Variants in SULT6B1 observed in about 807,000 individuals in gnomAD.
SULT6B1 encodes the protein sulfotransferase 6B1.
In SULT6B1, 44 loss-of-function variants were observed where a neutral mutation model predicts 37.2. That is an observed-to-expected ratio of 1.18 (90% CI 0.93 to 1.52). The LOEUF (loss-of-function observed/expected upper bound fraction) is 1.52. Ranked by LOEUF, SULT6B1 falls within the 40% of genes most tolerant of loss-of-function variation. SULT6B1 has a pLI of 0.00. For missense variants in SULT6B1, 450 were observed against 361.0 expected (o/e 1.25, Z -2.00); for synonymous variants, 140 against 126.0 (o/e 1.11, Z -0.74).
At chr2:37,188,889 C>A (rs888105140), upstream of SULT6B1, among the ~76,000 whole-genome samples, 2 of 152,002 alleles carry the variant, frequency 1.3e-5, no homozygotes, top group Non-Finnish European at 2.9e-5. Context: ...CGGCAACCTG[C>A]CCAATGAAAG....
intron 4 of SULT6B1, 89 bp downstream of exon 4, chr2:37,179,366 ATCT>A: frequency 6.5e-7 from 1 of 1,538,048 alleles, no homozygotes; most frequent in Non-Finnish European, 8.8e-7. Context: ...ATCTACCTAA[ATCT>A]TCTTCCTTTA....
At chr2:37,179,433 A>G in intron 4 of SULT6B1, 25 bp downstream of exon 4, 1 of 1,612,352 alleles carries the variant, frequency 6.2e-7, no homozygotes, top group South Asian at 1.1e-5. Flanking sequence ...TCAAGTAAGA[A>G]TAATTCTTTT....
chr2:37,172,164 C>T (rs1676318163), intron 5 of SULT6B1, among the ~76,000 whole-genome samples: 1 of 152,104 alleles, frequency 6.6e-6, no homozygotes, highest in Non-Finnish European at 1.5e-5. Flanking sequence ...AATCCTCACA[C>T]CTCAGCCTTC....
At chr2:37,195,931 C>T (rs1423525361) in intron 1 of SULT6B1, 1 of 152,396 alleles carries the variant, frequency 6.6e-6, no homozygotes, top group Non-Finnish European at 1.5e-5. Context: ...AAGCGATTCT[C>T]CTGCCTCAGC....
intron 5 of SULT6B1, among the ~76,000 whole-genome samples, chr2:37,172,867 T>A (rs1676336700): frequency 6.6e-6 from 1 of 151,252 alleles, no homozygotes; most frequent in South Asian, 2.1e-4. Context: ...TTTGTTTGTT[T>A]TTTGAGATGG....
At chr2:37,185,275 T>A (rs1341961729) in intron 2 of SULT6B1, among the ~76,000 whole-genome samples, 5 of 152,164 alleles carry the variant, frequency 3.3e-5, no homozygotes, top group Admixed American at 3.3e-4. Flanking sequence ...TAATATATAA[T>A]ACTATGTTCA....
chr2:37,180,691 C>T lies in SULT6B1; in HGVS notation c.403-1107G>A, dbSNP rs147652781. Among the ~76,000 whole-genome samples the T allele has an allele frequency of 1.2e-4, 18 of 152,240 alleles. No individual in the cohort carries two copies. The East Asian group carries it at 3.5e-3, about 29-fold the overall frequency. ...TTGAGATCAGGAGTTCGAGACCAGC[C>T]TGGCCAACATGGGGAAACCCTGGTG... On this transcript the variant is annotated intron_variant, in intron 3 of 6. Transcript: ENST00000535679.
chr2:37,189,745 T>C (rs1357952903), upstream of SULT6B1: 2 of 152,286 alleles, frequency 1.3e-5, no homozygotes, highest in African/African-American at 4.8e-5. Flanking sequence ...GGGTACGCTC[T>C]TTCTCTAGCA....
chr2:37,173,761 C>A (rs1189223466), intron 5 of SULT6B1, among the ~76,000 whole-genome samples: 2 of 152,212 alleles, frequency 1.3e-5, no homozygotes, highest in African/African-American at 4.8e-5. Context: ...AATCCAACCT[C>A]TTCTCATCCC....
chr2:37,173,862 C>G (rs1303297096), intron 5 of SULT6B1, among the ~76,000 whole-genome samples: 1 of 152,122 alleles, frequency 6.6e-6, no homozygotes, highest in East Asian at 1.9e-4. Flanking sequence ...TTTGCTTTGC[C>G]CCAGTTCATT....
upstream of SULT6B1, among the ~76,000 whole-genome samples, chr2:37,190,269 C>T (rs1676755751): frequency 6.6e-6 from 1 of 152,178 alleles, no homozygotes; most frequent in South Asian, 2.1e-4. Flanking sequence ...TTCTCTTCCC[C>T]ACATCTTTCT....
At chr2:37,192,436 A>G (rs762251618), upstream of SULT6B1, among the ~76,000 whole-genome samples, 1 of 152,204 alleles carries the variant, frequency 6.6e-6, no homozygotes, top group Non-Finnish European at 1.5e-5. Context: ...TTATTTTTTA[A>G]AGAAGCAGTA....
intron 2 of SULT6B1, among the ~76,000 whole-genome samples, chr2:37,184,845 A>G (rs1181551081): frequency 6.6e-6 from 1 of 151,468 alleles, no homozygotes; most frequent in Non-Finnish European, 1.5e-5. Flanking sequence ...AAAAAAAAAC[A>G]ACAAAACTTA....
intron 1 of SULT6B1, chr2:37,194,675 C>CT: frequency 4.2e-6 from 1 of 240,940 alleles, no homozygotes. Context: ...ATTCTTGGGT[C>CT]ATCACCTCGT....
chr2:37,187,031 A>G (rs1676688987), intron 2 of SULT6B1, among the ~76,000 whole-genome samples: 2 of 152,214 alleles, frequency 1.3e-5, no homozygotes, highest in South Asian at 4.1e-4. Context: ...ACTTAAAATA[A>G]AAAGAACAAA....
At chr2:37,190,292 T>C (rs1029491021), upstream of SULT6B1, among the ~76,000 whole-genome samples, 5 of 152,244 alleles carry the variant, frequency 3.3e-5, no homozygotes, top group African/African-American at 1.2e-4. Context: ...TTATGCTTCT[T>C]CCATTTTTCT....
At chr2:37,190,472 T>C (rs762682014), upstream of SULT6B1, among the ~76,000 whole-genome samples, 1 of 152,192 alleles carries the variant, frequency 6.6e-6, no homozygotes, top group Non-Finnish European at 1.5e-5. Context: ...CCCTTCCAAA[T>C]TGCTAAGATT....
chr2:37,188,413 G>C (rs750535056), intron 1 of SULT6B1, 29 bp downstream of exon 1: 1 of 1,585,528 alleles, frequency 6.3e-7, no homozygotes, highest in East Asian at 2.2e-5. Flanking sequence ...TATGAGAAGT[G>C]TACTTGTAGG....
intron 2 of SULT6B1, among the ~76,000 whole-genome samples, chr2:37,183,921 G>A (rs985755712): frequency 4.9e-4 from 75 of 152,294 alleles, no homozygotes; most frequent in African/African-American, 1.7e-3. Flanking sequence ...TGCGATTACA[G>A]GCGTGAGCCA....
Sources: gnomAD v4.1 joint callset for allele counts (sites outside exome capture counted in the v4.1 genomes callset) on GRCh38, gnomAD v4.1.1 for gene constraint, MANE v1.5 for transcripts, NCBI Gene and HGNC (gene_info 2026-07-23, HGNC 2026-07-21) for gene names.